The following PELI1 variants were observed in gnomAD, a reference collection of about 807,000 sequenced individuals.
PELI1 encodes pellino E3 ubiquitin protein ligase 1.
A neutral mutation model predicts 41.3 loss-of-function variants in PELI1; 15 were observed. The ratio of observed to expected loss-of-function variants is 0.36; its 90% CI spans 0.24 to 0.56. The LOEUF (loss-of-function observed/expected upper bound fraction) is 0.56, where lower values mean the gene tolerates loss of function less well. Ranked by LOEUF, PELI1 falls within the 20% of genes least tolerant of loss-of-function variation. The pLI, the probability that PELI1 is intolerant of heterozygous loss-of-function variation, is 0.82. For synonymous variants in PELI1, 178 were observed against 180.1 expected, an observed-to-expected ratio of 0.99 and a Z score of 0.09; for missense variants, 403 against 525.5, an observed-to-expected ratio of 0.77 and a Z score of 2.28.
At chr2:64,138,452 G>T (rs1219478469) in intron 1 of PELI1, among the ~76,000 whole-genome samples, 1 of 152,196 alleles carries the variant, frequency 6.6e-6, no homozygotes, top group Non-Finnish European at 1.5e-5. Context: ...TCTTGGCCAG[G>T]TGTGGTGGCT....
At chr2:64,140,420 G>A (rs936870726) in intron 1 of PELI1, among the ~76,000 whole-genome samples, 3 of 151,992 alleles carry the variant, frequency 2.0e-5, no homozygotes, top group African/African-American at 7.2e-5. Context: ...AGTTTATGTG[G>A]CAAAAAGAAT....
chr2:64,117,700 C>A (rs549748537), intron 1 of PELI1, among the ~76,000 whole-genome samples: 1 of 152,024 alleles, frequency 6.6e-6, no homozygotes, highest in Non-Finnish European at 1.5e-5. Context: ...TATTACTACT[C>A]TAATGAAAAA....
At chr2:64,124,696 T>C (rs1478736347) in intron 1 of PELI1, among the ~76,000 whole-genome samples, 1 of 152,256 alleles carries the variant, frequency 6.6e-6, no homozygotes, top group Non-Finnish European at 1.5e-5. Context: ...TTGTTTATGT[T>C]TTTGCTGATA....
chr2:64,129,930 T>C (rs1681501225), intron 1 of PELI1, among the ~76,000 whole-genome samples: 1 of 152,240 alleles, frequency 6.6e-6, no homozygotes, highest in South Asian at 2.1e-4. Context: ...AAATCACTGA[T>C]TACCTCTCCA....
intron 2 of PELI1, among the ~76,000 whole-genome samples, chr2:64,107,270 A>C (rs965445073): frequency 1.3e-5 from 2 of 152,174 alleles, no homozygotes; most frequent in Non-Finnish European, 2.9e-5. Context: ...ATCTCTAGTT[A>C]GGAAAGGCTA....
At chr2:64,109,721 T>C (rs1680742994) in intron 1 of PELI1, among the ~76,000 whole-genome samples, 1 of 151,962 alleles carries the variant, frequency 6.6e-6, no homozygotes, top group Non-Finnish European at 1.5e-5. Context: ...ATGCAAAAGA[T>C]AATCAATAGG....
chr2:64,107,546 C>G (rs1048295245), intron 2 of PELI1, among the ~76,000 whole-genome samples: 1 of 152,012 alleles, frequency 6.6e-6, no homozygotes. Flanking sequence ...TAAATGAAGA[C>G]TAACCTACAT....
intron 1 of PELI1, among the ~76,000 whole-genome samples, chr2:64,126,607 AT>A (rs1681395117): frequency 1.3e-5 from 2 of 152,216 alleles, no homozygotes; most frequent in African/African-American, 4.8e-5. Context: ...TATACCAAAC[AT>A]TTGTTTACTT....
At chr2:64,130,751 G>A (rs1681528768) in intron 1 of PELI1, among the ~76,000 whole-genome samples, 1 of 151,988 alleles carries the variant, frequency 6.6e-6, no homozygotes, top group African/African-American at 2.4e-5. Context: ...AAGAAATTTT[G>A]AAGAAAAAAA....
intron 3 of PELI1, among the ~76,000 whole-genome samples, chr2:64,103,269 C>G (rs1415927771): frequency 6.6e-6 from 1 of 152,110 alleles, no homozygotes; most frequent in Admixed American, 6.5e-5. Context: ...TATGGTATTA[C>G]AGAGGCAGGG....
rs1202013699 is a variant in PELI1, at chr2:64,111,177, G to T, written c.-69-2798C>A. Among the ~76,000 whole-genome samples the T allele has an allele frequency of 2.0e-5, 3 of 152,054 alleles. No individual in the cohort carries two copies. The East Asian group carries it at 5.8e-4, about 29-fold the overall frequency. On this transcript the variant is annotated intron_variant, in intron 1 of 6. Coordinates refer to ENST00000358912, the MANE Select transcript of PELI1 (RefSeq NM_020651.4). ...TCCTCATTTTATACCTCCACCAACA[G>T]ATTTCATAGGAATCTCATGAATGAA...
Position 64,104,681 on chromosome 2 carries a change from C to CTTTTTTTT in PELI1, c.201+12_201+19dup, listed in dbSNP as rs537000200. 1 of 1,181,766 alleles carries CTTTTTTTT rather than the reference C, an allele frequency of 8.5e-7. No individual in the cohort carries two copies. 73.2% of individuals were successfully genotyped at this position (1,181,766 alleles called of 1,614,324 possible). A position where few individuals can be genotyped will look rare whatever the true frequency, so the allele number is the denominator to read the frequency against. ...AAATTCTCCAAGTTAATTTATGTAG[C>CTTTTTTTT]TTTTTTTTTTTTTTTTTACCTTTGC... On this transcript the variant is annotated intron_variant, in intron 3 of 6. Coordinates refer to ENST00000358912, the MANE Select transcript of PELI1 (RefSeq NM_020651.4).
Position 64,094,822 on chromosome 2 carries a change from C to T in PELI1, c.1137G>A (p.Trp379Ter). 2 of 1,614,148 alleles carry T rather than the reference C, an allele frequency of 1.2e-6. No homozygotes were observed. Among genetic ancestry groups the T allele is most frequent in the Non-Finnish European group, 1.7e-6 (2 of 1,180,028 alleles). ...TACCATGAGGAAGTGGGATCTGGGACCAATAGGCAGTTGTCTTTTCTGAAC... is the reference window on the plus strand; with the variant it reads ...TACCATGAGGAAGTGGGATCTGGGATCAATAGGCAGTTGTCTTTTCTGAAC... ...HVCSEKTTAY[W>*]SQIPLPHGTH... Residue 379 changes from tryptophan to a stop codon, truncating the protein, a stop_gained, in exon 7 of 7, where the codon TGG (tryptophan) becomes TGA (stop). Coordinates refer to ENST00000358912, the MANE Select transcript of PELI1 (RefSeq NM_020651.4). LOFTEE classifies it high-confidence loss of function.
At chr2:64,098,635 G>A (rs543501570) in intron 4 of PELI1, among the ~76,000 whole-genome samples, 6 of 152,292 alleles carry the variant, frequency 3.9e-5, no homozygotes, top group African/African-American at 9.6e-5. Context: ...CAGCACCTAG[G>A]CATGTAATCA....
chr2:64,093,544 C>T lies in PELI1; in HGVS notation c.*1158G>A, dbSNP rs749092139. On this transcript the variant is annotated 3_prime_UTR_variant, in exon 7 of 7. Coordinates refer to ENST00000358912, the MANE Select transcript of PELI1 (RefSeq NM_020651.4). Reference sequence around the variant, plus strand: ...ACAGACCATGCAGTGCGTCACTCCACGCTGCAGTCATTGGTGCTCATCTGC... The same window carrying T: ...ACAGACCATGCAGTGCGTCACTCCATGCTGCAGTCATTGGTGCTCATCTGC... 1.3e-5 allele frequency: 2 copies of T among 152,612 alleles called. No individual in the cohort carries two copies. The highest frequency in any genetic ancestry group is 4.8e-5 in the African/African-American group (2 of 41,432). The allele number at this position is 152,612 out of a possible 1,614,324, so 9.5% of individuals were successfully genotyped here.
chr2:64,113,089 G>A (rs370980479), intron 1 of PELI1, among the ~76,000 whole-genome samples: 7 of 151,446 alleles, frequency 4.6e-5, no homozygotes, highest in African/African-American at 7.3e-5. Context: ...ACCAGCCTGC[G>A]CAACATAGTA....
At chr2:64,135,638 T>C (rs1374006491) in intron 1 of PELI1, among the ~76,000 whole-genome samples, 2 of 152,192 alleles carry the variant, frequency 1.3e-5, no homozygotes, top group Non-Finnish European at 2.9e-5. Context: ...AAATTACAAG[T>C]ATCTTGCAAT....
chr2:64,127,894 T>C (rs1219616543), intron 1 of PELI1, among the ~76,000 whole-genome samples: 1 of 152,262 alleles, frequency 6.6e-6, no homozygotes. Context: ...TCCACCTTAG[T>C]TTATCTATTC....
intron 4 of PELI1, among the ~76,000 whole-genome samples, chr2:64,099,284 GC>G (rs1680346161): frequency 6.6e-6 from 1 of 151,362 alleles, no homozygotes; most frequent in Non-Finnish European, 1.5e-5. Flanking sequence ...TCCCACCTCA[GC>G]CCCCTGAGTA....
Sources: gnomAD v4.1 joint callset for allele counts (sites outside exome capture counted in the v4.1 genomes callset) on GRCh38, gnomAD v4.1.1 for gene constraint, MANE v1.5 for transcripts, NCBI Gene and HGNC (gene_info 2026-07-23, HGNC 2026-07-21) for gene names.